Variants in CLDN10 observed in about 807,000 individuals in gnomAD.
CLDN10 encodes claudin-10.
Under a neutral mutation model 22.9 loss-of-function variants are expected in CLDN10, and 15 were observed. The observed-to-expected ratio is 0.65, with a 90% CI of 0.44 to 1.01. The LOEUF is 1.01. Ranked by LOEUF, CLDN10 falls within the 50% of genes least tolerant of loss-of-function variation. The pLI is 0.00. For synonymous variants in CLDN10, 114 were observed against 111.4 expected (o/e 1.02, Z -0.15); for missense variants, 247 against 287.8 (o/e 0.86, Z 1.03).
At chr13:95,547,970 C>A (rs187797413), upstream of CLDN10, among the ~76,000 whole-genome samples, 5 of 152,270 alleles carry the variant, frequency 3.3e-5, no homozygotes, top group African/African-American at 1.2e-4. Flanking sequence ...CTGTGAATGA[C>A]TAAGTTCATT....
At chr13:95,567,893 C>T (rs1179165228) in intron 3 of CLDN10, among the ~76,000 whole-genome samples, 1 of 152,100 alleles carries the variant, frequency 6.6e-6, no homozygotes, top group Admixed American at 6.5e-5. Flanking sequence ...TGGTTTTTGT[C>T]GTTGGTTCTG....
At chr13:95,560,563 A>C in intron 3 of CLDN10, 100 bp downstream of exon 3, 1 of 887,860 alleles carries the variant, frequency 1.1e-6, no homozygotes, top group Non-Finnish European at 1.8e-6. Flanking sequence ...TTTTGAAAGT[A>C]AGACATACTG....
At chr13:95,434,486 C>T (rs2042245139) in intron 1 of CLDN10, among the ~76,000 whole-genome samples, 1 of 145,388 alleles carries the variant, frequency 6.9e-6, no homozygotes, top group Admixed American at 6.8e-5. Context: ...CAAACACACA[C>T]ACACACACAC....
chr13:95,530,984 G>A lies in CLDN10; in HGVS notation c.215-29148G>A, dbSNP rs193211872. On this transcript the variant is annotated intron_variant, in intron 1 of 4. Transcript: ENST00000376873. ...CTCTGTCACCCAGGCTGAGTGCAGC[G>A]GCACAATCTTGGCTCACTCAGCCTC... 3.2e-3 allele frequency among the ~76,000 whole-genome samples: 478 copies of A among 150,528 alleles called. 5 individuals carry two copies. The highest frequency in any genetic ancestry group is 0.011 in the African/African-American group (450 of 40,872).
At chr13:95,445,895 A>G (rs1294631821) in intron 1 of CLDN10, among the ~76,000 whole-genome samples, 2 of 152,242 alleles carry the variant, frequency 1.3e-5, no homozygotes, top group Admixed American at 6.5e-5. Flanking sequence ...TTTGTAGTCA[A>G]ATTGCATAGT....
intron 1 of CLDN10, among the ~76,000 whole-genome samples, chr13:95,438,981 A>C (rs1013153627): frequency 8.1e-4 from 90 of 110,974 alleles, no homozygotes; most frequent in African/African-American, 2.4e-3. Context: ...ATCGCAAAAA[A>C]AAAAAAAAAA....
At chr13:95,499,803 TA>T (rs2042966395) in intron 1 of CLDN10, among the ~76,000 whole-genome samples, 2 of 152,112 alleles carry the variant, frequency 1.3e-5, no homozygotes, top group Non-Finnish European at 2.9e-5. Context: ...GATTTAGCAC[TA>T]GAAAAAAGTT....
intron 1 of CLDN10, among the ~76,000 whole-genome samples, chr13:95,509,901 C>T (rs1340099626): frequency 6.6e-6 from 1 of 152,228 alleles, no homozygotes; most frequent in African/African-American, 2.4e-5. Context: ...GTAAAATGCA[C>T]AGCTTCCAGG....
At chr13:95,478,317 TAAGC>T (rs143260361) in intron 1 of CLDN10, among the ~76,000 whole-genome samples, 2,391 of 151,998 alleles carry the variant, frequency 0.016, 69 homozygotes, top group African/African-American at 0.055. Flanking sequence ...CAAAAATAAA[TAAGC>T]AAGTAAATAA....
chr13:95,509,417 C>G (rs7329996), intron 1 of CLDN10, among the ~76,000 whole-genome samples: 1 of 152,248 alleles, frequency 6.6e-6, no homozygotes, highest in East Asian at 1.9e-4. Context: ...TCAGGTCTGA[C>G]ATCGAGGAAA....
upstream of CLDN10, among the ~76,000 whole-genome samples, chr13:95,548,948 C>G (rs2043537026): frequency 6.6e-6 from 1 of 152,184 alleles, no homozygotes; most frequent in South Asian, 2.1e-4. Flanking sequence ...CTGCAAATCT[C>G]CTGTTTAGTT....
chr13:95,449,638 C>T (rs552697250), intron 1 of CLDN10, among the ~76,000 whole-genome samples: 1 of 152,130 alleles, frequency 6.6e-6, no homozygotes, highest in African/African-American at 2.4e-5. Context: ...GTGATCATAG[C>T]TCACTGTAAC....
chr13:95,550,281 C>T (rs983101186), upstream of CLDN10, among the ~76,000 whole-genome samples: 2 of 152,110 alleles, frequency 1.3e-5, no homozygotes, highest in Non-Finnish European at 2.9e-5. Flanking sequence ...TTTAAAACAC[C>T]AAACCATTCT....
rs115147677 is a variant in CLDN10, at chr13:95,560,202, G to A, written c.291G>A (p.Ala97=). 5.8e-5 allele frequency: 94 copies of A among 1,614,124 alleles called. No individual in the cohort carries two copies. The highest frequency in any genetic ancestry group is 3.3e-4 in the Admixed American group (20 of 60,014). ...VSLGFFGSIF[A]LFGMKCTKVG... The stretch of plus-strand genomic sequence containing the variant: ...TGGGCTTCTTTGGTTCCATATTTGC[G>A]CTCTTTGGAATGAAGTGTACCAAAG... Residue 97 remains alanine (A), a synonymous_variant, in exon 2 of 5, where the codon GCG becomes GCA. Coordinates refer to ENST00000299339, the MANE Select transcript of CLDN10 (RefSeq NM_006984.5).
intron 1 of CLDN10, among the ~76,000 whole-genome samples, chr13:95,540,027 C>T (rs541783443): frequency 1.5e-4 from 22 of 145,392 alleles, no homozygotes; most frequent in Non-Finnish European, 2.3e-4. Context: ...TGGCCAGGCG[C>T]GGTGGCTCAC....
chr13:95,533,049 G>A (rs1016740969), intron 1 of CLDN10, among the ~76,000 whole-genome samples: 6 of 151,988 alleles, frequency 3.9e-5, no homozygotes, highest in Non-Finnish European at 7.4e-5. Flanking sequence ...ACAGATGTAT[G>A]CATTTGTCAA....
intron 3 of CLDN10, 45 bp from the exon 4 acceptor site, chr13:95,577,186 C>T (rs748769353): frequency 1.5e-6 from 2 of 1,314,854 alleles, no homozygotes; most frequent in Middle Eastern, 1.8e-4. Flanking sequence ...ACTGTTTACT[C>T]TCCAAATAAG....
At chr13:95,512,320 G>A (rs1289449467) in intron 1 of CLDN10, among the ~76,000 whole-genome samples, 3 of 150,918 alleles carry the variant, frequency 2.0e-5, no homozygotes, top group Non-Finnish European at 4.4e-5. Context: ...ATGTTAATAT[G>A]AGCAATGTGT....
intron 3 of CLDN10, among the ~76,000 whole-genome samples, chr13:95,575,589 T>TGGTGTGTGTGTGTGTG (rs1566346896): frequency 1.0e-5 from 1 of 99,336 alleles, no homozygotes; most frequent in African/African-American, 3.2e-5. Flanking sequence ...GCTGCTCAGT[T>TGGTGTGTGTGTGTGTG]CGTGTGTGTG....
Sources: gnomAD v4.1 joint callset for allele counts (sites outside exome capture counted in the v4.1 genomes callset) on GRCh38, gnomAD v4.1.1 for gene constraint, MANE v1.5 for transcripts, NCBI Gene and HGNC (gene_info 2026-07-23, HGNC 2026-07-21) for gene names.